Variants in CUL3 observed in about 807,000 individuals in gnomAD.
CUL3 encodes cullin 3.
Under a neutral mutation model 89.1 loss-of-function variants are expected in CUL3, and 19 were observed. The observed-to-expected ratio is 0.21, with a 90% CI of 0.15 to 0.31. CUL3 has a LOEUF of 0.31. Among genes scored for constraint, CUL3 ranks in the 10% least tolerant of loss-of-function variants. CUL3 has a pLI of 1.00. For synonymous variants in CUL3, 351 were observed against 308.4 expected (o/e 1.14, Z -1.45); for missense variants, 469 against 942.3 (o/e 0.50, Z 6.58).
At chr2:224,501,103 A>G (rs1299986988) in intron 10 of CUL3, among the ~76,000 whole-genome samples, 1 of 152,186 alleles carries the variant, frequency 6.6e-6, no homozygotes, top group East Asian at 1.9e-4. Flanking sequence ...GGGCCTTTTT[A>G]AATAAAAGGT....
intron 11 of CUL3, 37 bp downstream of exon 11, chr2:224,500,326 C>T (rs2106188820): frequency 6.2e-7 from 1 of 1,608,766 alleles, no homozygotes; most frequent in Non-Finnish European, 8.5e-7. Flanking sequence ...TGAACACTTA[C>T]TTGTACACAG....
chr2:224,574,101 A>G (rs1448793910), intron 1 of CUL3, among the ~76,000 whole-genome samples: 1 of 152,248 alleles, frequency 6.6e-6, no homozygotes, highest in African/African-American at 2.4e-5. Context: ...AATTCCTCTT[A>G]GCAATGATGG....
chr2:224,571,137 T>C (rs1695171524), intron 1 of CUL3, among the ~76,000 whole-genome samples: 1 of 152,120 alleles, frequency 6.6e-6, no homozygotes, highest in Admixed American at 6.5e-5. Flanking sequence ...TTTCCACCCA[T>C]AAAAATAGAG....
At chr2:224,552,547 T>C (rs1456748630) in intron 2 of CUL3, among the ~76,000 whole-genome samples, 1 of 152,226 alleles carries the variant, frequency 6.6e-6, no homozygotes, top group Non-Finnish European at 1.5e-5. Flanking sequence ...CCCAAAGAGA[T>C]GTCCTCTCTG....
intron 3 of CUL3, among the ~76,000 whole-genome samples, chr2:224,515,008 G>A (rs1692987058): frequency 6.6e-6 from 1 of 151,980 alleles, no homozygotes; most frequent in South Asian, 2.1e-4. Flanking sequence ...AAGAAAAAGG[G>A]TAAAAAGTAA....
rs1318551789 is a variant in CUL3, at chr2:224,506,895, T to G, written c.992A>C (p.Glu331Ala). 6.2e-7 allele frequency: 1 copy of G among 1,613,514 alleles called. No individual in the cohort carries two copies. Among genetic ancestry groups the G allele is most frequent in the East Asian group, 2.2e-5 (1 of 44,810 alleles). ...AACAGGATTCTTTCCTTCTCCTTCT[T>G]CAGAAACAAGAGCTTTACCTTGCTC... Reference protein sequence around the residue: ...LREQGKALVSEEGEGKNPVDY... With the variant: ...LREQGKALVSAEGEGKNPVDY... Residue 331 changes from glutamate to alanine, a missense_variant, in exon 7 of 16, where the codon GAA (glutamate) becomes GCA (alanine). Coordinates refer to ENST00000264414, the MANE Select transcript of CUL3 (RefSeq NM_003590.5).
At chr2:224,528,997 T>C (rs1263103969) in intron 3 of CUL3, among the ~76,000 whole-genome samples, 1 of 152,178 alleles carries the variant, frequency 6.6e-6, no homozygotes, top group African/African-American at 2.4e-5. Context: ...ATTAGCCTTC[T>C]TAACAGAAGA....
intron 13 of CUL3, among the ~76,000 whole-genome samples, chr2:224,486,945 G>C (rs1217689343): frequency 6.6e-6 from 1 of 152,160 alleles, no homozygotes; most frequent in Non-Finnish European, 1.5e-5. Context: ...CCAGAAGAGA[G>C]TGGGGGGGGC....
intron 5 of CUL3, among the ~76,000 whole-genome samples, chr2:224,512,484 A>C (rs1244440371): frequency 1.3e-5 from 2 of 152,228 alleles, no homozygotes; most frequent in African/African-American, 4.8e-5. Context: ...GTTTTCAGGA[A>C]AAATGCCTTG....
At chr2:224,510,550 G>A (rs1194991411) in intron 6 of CUL3, among the ~76,000 whole-genome samples, 4 of 151,862 alleles carry the variant, frequency 2.6e-5, no homozygotes, top group Non-Finnish European at 4.4e-5. Flanking sequence ...AAAAAGAAGT[G>A]GATAAAATAT....
At chr2:224,529,054 CT>C (rs1365394308) in intron 3 of CUL3, among the ~76,000 whole-genome samples, 1 of 152,042 alleles carries the variant, frequency 6.6e-6, no homozygotes, top group Non-Finnish European at 1.5e-5. Context: ...ACTGTAATTG[CT>C]TGAGTAGTCT....
At chr2:224,571,618 G>A (rs1695182847) in intron 1 of CUL3, among the ~76,000 whole-genome samples, 1 of 151,778 alleles carries the variant, frequency 6.6e-6, no homozygotes, top group South Asian at 2.1e-4. Flanking sequence ...TCTGCTATAA[G>A]TCTGTTTAAA....
chr2:224,499,179 A>T (rs1190665980), intron 11 of CUL3, among the ~76,000 whole-genome samples: 1 of 152,252 alleles, frequency 6.6e-6, no homozygotes, highest in Non-Finnish European at 1.5e-5. Flanking sequence ...CACAGAAATC[A>T]TTCAAGATAT....
chr2:224,566,477 A>G (rs746136480), intron 1 of CUL3, among the ~76,000 whole-genome samples: 1 of 152,154 alleles, frequency 6.6e-6, no homozygotes, highest in Non-Finnish European at 1.5e-5. Context: ...CTCCTTTACT[A>G]GTCAATATCC....
chr2:224,541,667 C>T (rs2106275879), intron 2 of CUL3, among the ~76,000 whole-genome samples: 1 of 152,162 alleles, frequency 6.6e-6, no homozygotes, highest in South Asian at 2.1e-4. Flanking sequence ...AACAAGTATA[C>T]AGGTAAATGA....
chr2:224,525,644 C>T (rs1006325635), intron 3 of CUL3, among the ~76,000 whole-genome samples: 4 of 152,072 alleles, frequency 2.6e-5, no homozygotes, highest in African/African-American at 9.7e-5. Flanking sequence ...ATTAAATAAA[C>T]ATACATAAAG....
At chr2:224,500,532 T>C in intron 10 of CUL3, 45 bp from the exon 11 acceptor site, 2 of 1,600,420 alleles carry the variant, frequency 1.2e-6, no homozygotes, top group Non-Finnish European at 1.7e-6. Flanking sequence ...TTAACTAGGA[T>C]TTGCTTTCTG....
chr2:224,532,460 T>TAA (rs369018508), intron 3 of CUL3, among the ~76,000 whole-genome samples: 7 of 126,424 alleles, frequency 5.5e-5, no homozygotes, highest in South Asian at 5.3e-4. Context: ...AAATGCTGCT[T>TAA]AAAAAAAAAA....
At chr2:224,512,857 C>G (rs6748341) in intron 5 of CUL3, among the ~76,000 whole-genome samples, 42,624 of 152,104 alleles carry the variant, frequency 0.28, 6,253 homozygotes, top group Middle Eastern at 0.41. Flanking sequence ...TTTACAGTTT[C>G]ATAACATACA....
Sources: gnomAD v4.1 joint callset for allele counts (sites outside exome capture counted in the v4.1 genomes callset) on GRCh38, gnomAD v4.1.1 for gene constraint, MANE v1.5 for transcripts, NCBI Gene and HGNC (gene_info 2026-07-23, HGNC 2026-07-21) for gene names.